The following GNS variants were observed in gnomAD, a reference collection of about 807,000 sequenced individuals.
GNS encodes N-acetylglucosamine-6-sulfatase.
A neutral mutation model predicts 69.7 loss-of-function variants in GNS; 40 were observed. The observed-to-expected ratio is 0.57, with a 90% CI of 0.45 to 0.75. The LOEUF is 0.75. GNS is among the 30% of genes least tolerant of loss of function. The probability of loss-of-function intolerance (pLI) is 0.00; values close to 1 mark genes in which losing one functional copy is unlikely to be tolerated. For synonymous variants in GNS, 243 were observed against 251.6 expected (o/e 0.97, Z 0.32); for missense variants, 565 against 685.5 (o/e 0.82, Z 1.96).
Position 64,739,575 on chromosome 12 carries a change from A to C in GNS, c.876-76T>G, listed in dbSNP as rs552024411. The C allele has an allele frequency of 4.7e-5, 35 of 742,358 alleles. No homozygotes were observed. In the East Asian group the frequency reaches 5.8e-4, roughly 12 times the overall value. The allele number at this position is 742,358 out of a possible 1,614,324, so 46.0% of individuals were successfully genotyped here. ...TATCACTATCTTGCCAAAAAAAAAA[A>C]AAACCAAAAACAAAAACAAAGACAC... On this transcript the variant is annotated intron_variant, in intron 7 of 13. Coordinates refer to ENST00000258145, the MANE Select transcript of GNS (RefSeq NM_002076.4).
In GNS at chr12:64,717,180, C is replaced by T. The variant is rs550244935; in HGVS notation, c.1581-361G>A. Among the ~76,000 whole-genome samples the T allele has an allele frequency of 1.1e-3, 163 of 152,234 alleles. 1 individual carries two copies. Among genetic ancestry groups the T allele is most frequent in the Non-Finnish European group, 1.5e-3 (104 of 68,012 alleles). On this transcript the variant is annotated intron_variant, in intron 13 of 13. Coordinates refer to ENST00000258145, the MANE Select transcript of GNS (RefSeq NM_002076.4). ...TCACCCTGATTTTATTTAACAATGG[C>T]TCCAAACCACAAGAGTAGTGGTGCT... is the stretch of plus-strand genomic sequence containing the variant.
At position 64,757,349 on chromosome 12, in the gene GNS, C is replaced by T. The variant is rs569754718; in HGVS notation, c.192+1736G>A. ...CACCTAAAAAAGCCTGACCTTTTAA[C>T]TGAGTACTTAAGTCACTGCTAGAGA... On this transcript the variant is annotated intron_variant, in intron 1 of 13. Transcript: ENST00000258145. Among the ~76,000 whole-genome samples the T allele has an allele frequency of 4.4e-4, 67 of 152,346 alleles. 2 individuals carry two copies. The South Asian group carries it at 0.01, about 23-fold the overall frequency.
At chr12:64,746,044 A>G in intron 3 of GNS, 1 of 412,544 alleles carries the variant, frequency 2.4e-6, no homozygotes, top group Non-Finnish European at 4.5e-6. Flanking sequence ...CATAAAATTC[A>G]AATTTTAACA....
rs1185316268 is a variant in GNS at position 64,713,870 on chromosome 12, A to C, written c.*2871T>G. 2 of 152,236 alleles carry C rather than the reference A, an allele frequency of 1.3e-5. No homozygotes were observed. Among genetic ancestry groups the C allele is most frequent in the East Asian group, 3.9e-4 (2 of 5,190 alleles). 9.4% of individuals were successfully genotyped at this position (152,236 alleles called of 1,614,324 possible). ...TTGCAGGCCGGGCACGGTGGCTCACACCCGTAATCCCAGCACTTTGGGAGG... is the reference window on the plus strand; with the variant it reads ...TTGCAGGCCGGGCACGGTGGCTCACCCCCGTAATCCCAGCACTTTGGGAGG... On this transcript the variant is annotated 3_prime_UTR_variant, in exon 14 of 14. Coordinates refer to ENST00000258145, the MANE Select transcript of GNS (RefSeq NM_002076.4).
At chr12:64,753,064 A>G (rs895327346) in intron 1 of GNS, 2 of 368,112 alleles carry the variant, frequency 5.4e-6, no homozygotes, top group Non-Finnish European at 9.9e-6. Flanking sequence ...ACCTATCTCC[A>G]TGAATTAATC....
intron 13 of GNS, among the ~76,000 whole-genome samples, chr12:64,719,118 T>C (rs895747362): frequency 3.3e-5 from 5 of 152,258 alleles, no homozygotes; most frequent in Non-Finnish European, 7.3e-5. Context: ...CATGCCACTT[T>C]GGCACTATAT....
In GNS at chr12:64,745,732, G is replaced by A; in HGVS notation, c.460-8C>T. The A allele has an allele frequency of 6.3e-7, 1 of 1,577,920 alleles. No homozygotes were observed. Among genetic ancestry groups the A allele is most frequent in the Non-Finnish European group, 8.7e-7 (1 of 1,146,896 alleles). ...TGCATCTGGGGCTCCGTACTGAAAA[G>A]CAAAACAAGTAGGGACAATTACAAG... On this transcript the variant is annotated splice_polypyrimidine_tract_variant and splice_region_variant and intron_variant, in intron 3 of 13. Coordinates refer to ENST00000258145, the MANE Select transcript of GNS (RefSeq NM_002076.4).
chr12:64,755,902 C>T (rs561677611), intron 1 of GNS, among the ~76,000 whole-genome samples: 30 of 152,062 alleles, frequency 2.0e-4, no homozygotes, highest in Non-Finnish European at 3.4e-4. Context: ...CTCCTGACCT[C>T]GTGATCTGTC....
intron 13 of GNS, among the ~76,000 whole-genome samples, chr12:64,718,087 G>A (rs1199781025): frequency 2.6e-5 from 4 of 152,174 alleles, no homozygotes; most frequent in East Asian, 1.9e-4. Flanking sequence ...CTGTGTTCCC[G>A]CAGGTGGGGC....
chr12:64,757,430 T>A (rs889645023), intron 1 of GNS, among the ~76,000 whole-genome samples: 2 of 152,190 alleles, frequency 1.3e-5, no homozygotes, highest in African/African-American at 4.8e-5. Context: ...TTTTTTTTAA[T>A]AAAAAAGGAA....
At chr12:64,725,195 G>T (rs1423179662) in intron 10 of GNS, among the ~76,000 whole-genome samples, 2 of 152,186 alleles carry the variant, frequency 1.3e-5, no homozygotes, top group Non-Finnish European at 2.9e-5. Flanking sequence ...TGGTCTGTAG[G>T]AGTTGTTAAA....
At chr12:64,753,842 GAA>G (rs1285647200) in intron 1 of GNS, among the ~76,000 whole-genome samples, 2 of 152,190 alleles carry the variant, frequency 1.3e-5, no homozygotes, top group East Asian at 3.8e-4. Context: ...TAGAGAAGCA[GAA>G]GATCTTCGCC....
intron 5 of GNS, among the ~76,000 whole-genome samples, chr12:64,744,420 A>C (rs923810382): frequency 5.9e-5 from 9 of 152,176 alleles, no homozygotes; most frequent in African/African-American, 2.2e-4. Flanking sequence ...TGCCCAAATA[A>C]ATCCAGTATC....
At chr12:64,734,423 A>C (rs890601240) in intron 9 of GNS, among the ~76,000 whole-genome samples, 7 of 152,202 alleles carry the variant, frequency 4.6e-5, no homozygotes, top group Non-Finnish European at 1.0e-4. Context: ...ATGTGGGAGC[A>C]GGATTATGAA....
At chr12:64,756,314 T>C (rs1040723410) in intron 1 of GNS, among the ~76,000 whole-genome samples, 51 of 152,214 alleles carry the variant, frequency 3.4e-4, no homozygotes, top group Non-Finnish European at 5.4e-4. Context: ...AGGTTAGAGC[T>C]CTTTCCACAA....
intron 9 of GNS, chr12:64,729,322 T>C: frequency 2.3e-6 from 1 of 427,088 alleles, no homozygotes; most frequent in Non-Finnish European, 4.3e-6. Context: ...TTGATCAAAA[T>C]GTTTTTTGAA....
At chr12:64,747,466 C>T (rs1869929448) in intron 3 of GNS, among the ~76,000 whole-genome samples, 1 of 152,120 alleles carries the variant, frequency 6.6e-6, no homozygotes, top group Non-Finnish European at 1.5e-5. Flanking sequence ...CCTGGGACTA[C>T]TGAAAGGAAG....
intron 6 of GNS, 57 bp from the exon 7 acceptor site, chr12:64,740,745 C>T: frequency 2.4e-6 from 2 of 825,850 alleles, no homozygotes; most frequent in Non-Finnish European, 4.3e-6. Flanking sequence ...AAACAAACTA[C>T]TGGATTACTA....
chr12:64,742,640 A>C (rs1301238514), intron 6 of GNS, among the ~76,000 whole-genome samples: 2 of 152,242 alleles, frequency 1.3e-5, no homozygotes, highest in Admixed American at 6.5e-5. Flanking sequence ...GGAACTGTCT[A>C]TACACCAAGC....
Sources: allele counts gnomAD v4.1 joint callset (sites outside exome capture counted in the v4.1 genomes callset), GRCh38; gene constraint gnomAD v4.1.1; transcripts MANE v1.5; gene names NCBI Gene and HGNC (gene_info 2026-07-23, HGNC 2026-07-21).